ANO2: variants seen among roughly 807,000 people sequenced by gnomAD.
ANO2 encodes anoctamin 2.
In ANO2, 101 loss-of-function variants were observed where a neutral mutation model predicts 124.2. The observed-to-expected ratio is 0.81, with a 90% CI of 0.69 to 0.96. ANO2 has a LOEUF of 0.96. Ranked by LOEUF, ANO2 falls within the 40% of genes least tolerant of loss-of-function variation. ANO2 has a pLI of 0.00. For synonymous variants in ANO2, 486 were observed against 482.5 expected, an observed-to-expected ratio of 1.01 and a Z score of -0.09; for missense variants, 1,293 against 1,274.5, an observed-to-expected ratio of 1.01 and a Z score of -0.22.
intron 16 of ANO2, among the ~76,000 whole-genome samples, 188 bp downstream of exon 16, chr12:5,634,964 G>A (rs988460280): frequency 2.6e-5 from 4 of 152,148 alleles, no homozygotes; most frequent in African/African-American, 4.8e-5. Flanking sequence ...AAGGATTCCC[G>A]CCTTTAGAGA....
intron 3 of ANO2, among the ~76,000 whole-genome samples, chr12:5,918,898 A>G (rs138474484): frequency 1.9e-3 from 285 of 152,304 alleles, no homozygotes; most frequent in Non-Finnish European, 3.6e-3. Context: ...AGGCATGTTT[A>G]AGTATAATCC....
At chr12:5,605,463 G>A (rs1286196020) in intron 19 of ANO2, among the ~76,000 whole-genome samples, 11 of 152,158 alleles carry the variant, frequency 7.2e-5, no homozygotes, top group African/African-American at 2.4e-5. Flanking sequence ...TAGAGATGGC[G>A]AGACATTTTG....
chr12:5,818,660 C>A (rs1165354031), intron 7 of ANO2, among the ~76,000 whole-genome samples: 2 of 150,858 alleles, frequency 1.3e-5, no homozygotes, highest in Non-Finnish European at 3.0e-5. Context: ...ATGATTAGAC[C>A]CCAAAATGCT....
intron 14 of ANO2, among the ~76,000 whole-genome samples, chr12:5,671,703 T>C (rs1948014643): frequency 1.3e-5 from 2 of 152,138 alleles, no homozygotes; most frequent in South Asian, 2.1e-4. Flanking sequence ...AAATAACCCC[T>C]TGGAGGGAAA....
intron 3 of ANO2, among the ~76,000 whole-genome samples, chr12:5,905,432 T>G (rs922559338): frequency 2.0e-5 from 3 of 152,176 alleles, no homozygotes; most frequent in Admixed American, 6.5e-5. Flanking sequence ...CATCTCTTAT[T>G]ACTAATAACT....
At position 5,732,706 on chromosome 12, in the gene ANO2, T is replaced by C. The variant is rs1950693452; in HGVS notation, c.1435-76A>G. ...GGCCTTAGGGTTATAACCAGACACA[T>C]GTACATTAACGTCAGCGTTTAGGAT... On this transcript the variant is annotated intron_variant, in intron 13 of 24. Transcript: ENST00000682330. 9 of 1,533,744 alleles carry C rather than the reference T, an allele frequency of 5.9e-6. No individual in the cohort carries two copies. In the South Asian group the frequency reaches 9.1e-5, roughly 15 times the overall value.
chr12:5,605,256 C>T (rs1451362839), intron 19 of ANO2, among the ~76,000 whole-genome samples: 1 of 152,182 alleles, frequency 6.6e-6, no homozygotes, highest in African/African-American at 2.4e-5. Flanking sequence ...TGATTTATGG[C>T]CAGATTCCAC....
intron 13 of ANO2, among the ~76,000 whole-genome samples, chr12:5,733,612 C>T (rs758489942): frequency 5.9e-5 from 9 of 152,202 alleles, no homozygotes; most frequent in South Asian, 2.1e-4. Context: ...CAAAGGTCAA[C>T]GGGCCAGGCT....
At chr12:5,688,402 C>T (rs1307727251) in intron 14 of ANO2, among the ~76,000 whole-genome samples, 2 of 152,150 alleles carry the variant, frequency 1.3e-5, no homozygotes, top group Non-Finnish European at 2.9e-5. Flanking sequence ...AATCAGAGGG[C>T]TTTCTTAATT....
Position 5,739,371 on chromosome 12 carries a change from C to T in ANO2, c.1380G>A (p.Arg460=). The T allele has an allele frequency of 1.2e-6, 2 of 1,606,660 alleles. No individual in the cohort carries two copies. Among genetic ancestry groups the T allele is most frequent in the Non-Finnish European group, 1.7e-6 (2 of 1,176,684 alleles). ...WATMFLENWK[R]LQMRLGYFWD... ...AAAAGTAGCCCAGTCGCATCTGTAG[C>T]CTCTTCCAGTTTTCCAGGAACATGG... The change falls in exon 13 of 25, where the codon AGG becomes AGA. Residue 460 remains arginine, a synonymous_variant. Transcript: ENST00000682330.
chr12:5,910,598 T>C (rs1290339795), intron 3 of ANO2, among the ~76,000 whole-genome samples: 1 of 152,202 alleles, frequency 6.6e-6, no homozygotes, highest in African/African-American at 2.4e-5. Flanking sequence ...AATAAAGATG[T>C]AATTTTCTAT....
Position 5,618,784 on chromosome 12 carries a change from C to A in ANO2, c.1817-3487G>T, listed in dbSNP as rs142024230. The stretch of plus-strand genomic sequence containing the variant: ...AGGCCAAAATGAATGAAGTTTTCCC[C>A]TTCCTTCAAGGAGCTTCACTGAGCA... On this transcript the variant is annotated intron_variant, in intron 16 of 24. Transcript: ENST00000682330. Among the ~76,000 whole-genome samples the A allele has an allele frequency of 3.5e-3, 527 of 152,296 alleles. 2 individuals carry two copies. The highest frequency in any genetic ancestry group is 0.02 in the Middle Eastern group (6 of 294).
At chr12:5,888,945 G>A (rs1939182229) in intron 3 of ANO2, among the ~76,000 whole-genome samples, 1 of 152,232 alleles carries the variant, frequency 6.6e-6, no homozygotes, top group South Asian at 2.1e-4. Context: ...TTGGAGCAGG[G>A]AGCTGTGCTC....
intron 4 of ANO2, among the ~76,000 whole-genome samples, chr12:5,835,180 A>G (rs974917476): frequency 3.3e-5 from 5 of 152,236 alleles, no homozygotes; most frequent in African/African-American, 9.6e-5. Flanking sequence ...CAAACAAAAA[A>G]GTGGAAAGTT....
chr12:5,722,817 G>C (rs1950285164), intron 14 of ANO2, among the ~76,000 whole-genome samples: 1 of 152,182 alleles, frequency 6.6e-6, no homozygotes, highest in Non-Finnish European at 1.5e-5. Context: ...AAAAGACCTG[G>C]AAGGGCACAA....
At chr12:5,732,117 T>C (rs1950665089) in intron 14 of ANO2, among the ~76,000 whole-genome samples, 1 of 152,184 alleles carries the variant, frequency 6.6e-6, no homozygotes, top group South Asian at 2.1e-4. Flanking sequence ...CACAGACTTA[T>C]TGTGAGATAA....
At chr12:5,680,422 T>C (rs1459480219) in intron 14 of ANO2, among the ~76,000 whole-genome samples, 5 of 151,942 alleles carry the variant, frequency 3.3e-5, no homozygotes, top group African/African-American at 4.8e-5. Context: ...TCTGGAAACA[T>C]TGTTAAGTAA....
chr12:5,775,189 T>C (rs1005823146), intron 10 of ANO2, among the ~76,000 whole-genome samples: 8 of 152,126 alleles, frequency 5.3e-5, no homozygotes, highest in Non-Finnish European at 8.8e-5. Flanking sequence ...AATTCCAAAC[T>C]TTTTCTTTCC....
chr12:5,883,605 G>A (rs920318111), intron 3 of ANO2, among the ~76,000 whole-genome samples: 20 of 151,742 alleles, frequency 1.3e-4, no homozygotes, highest in African/African-American at 4.9e-4. Context: ...GCTTTGAGAG[G>A]TGGCCCCCAT....
Sources: gnomAD v4.1 joint callset for allele counts (sites outside exome capture counted in the v4.1 genomes callset) on GRCh38, gnomAD v4.1.1 for gene constraint, MANE v1.5 for transcripts, NCBI Gene and HGNC (gene_info 2026-07-23, HGNC 2026-07-21) for gene names.